The following CDK8 variants were observed in gnomAD, a reference collection of about 807,000 sequenced individuals.
The protein encoded by CDK8 is cyclin-dependent kinase 8.
CDK8 carries 29 observed loss-of-function variants against 71.5 expected under a neutral mutation model. That is an observed-to-expected ratio of 0.41 (90% CI 0.30 to 0.55). CDK8 has a LOEUF of 0.55. Among genes scored for constraint, CDK8 ranks in the 20% least tolerant of loss-of-function variants. CDK8 has a pLI of 0.37. For missense variants in CDK8, 288 were observed against 572.6 expected, an observed-to-expected ratio of 0.50 and a Z score of 5.07; for synonymous variants, 161 against 192.1, an observed-to-expected ratio of 0.84 and a Z score of 1.34.
intron 1 of CDK8, among the ~76,000 whole-genome samples, chr13:26,269,454 T>A (rs1872190240): frequency 6.6e-6 from 1 of 152,186 alleles, no homozygotes; most frequent in African/African-American, 2.4e-5. Flanking sequence ...TTTAAGTTTG[T>A]GGCATAAGCT....
chr13:26,388,061 T>C (rs545218394), intron 6 of CDK8, among the ~76,000 whole-genome samples: 103 of 152,350 alleles, frequency 6.8e-4, no homozygotes, highest in South Asian at 1.7e-3. Flanking sequence ...GTTACACTTG[T>C]ATGACTTTGC....
rs1479462867 is a variant in CDK8 at position 26,381,831 on chromosome 13, T to C, written c.457-983T>C. Reference sequence around the variant, plus strand: ...ACTACACATTAAACGTTGGCAGTAATAGCTTAGGGGCCATCACTACATATG... The same window carrying C: ...ACTACACATTAAACGTTGGCAGTAACAGCTTAGGGGCCATCACTACATATG... On this transcript the variant is annotated intron_variant, in intron 4 of 12. Coordinates refer to ENST00000381527, the MANE Select transcript of CDK8 (RefSeq NM_001260.3). Among the ~76,000 whole-genome samples, 125 of 152,130 alleles carry C rather than the reference T, an allele frequency of 8.2e-4. 2 individuals are homozygous for C. Among genetic ancestry groups the C allele is most frequent in the Non-Finnish European group, 4.4e-5 (3 of 67,994 alleles).
chr13:26,376,386 A>G (rs1874952238), intron 4 of CDK8, among the ~76,000 whole-genome samples: 1 of 152,140 alleles, frequency 6.6e-6, no homozygotes, highest in African/African-American at 2.4e-5. Flanking sequence ...TACTTGACTC[A>G]TTAGAATTTG....
In CDK8 at chr13:26,404,450, C is replaced by A. The variant is rs1876419767; in HGVS notation, c.*369C>A. The A allele has an allele frequency of 7.4e-6, 2 of 269,558 alleles. No homozygotes were observed. The highest frequency in any genetic ancestry group is 2.2e-4 in the South Asian group (2 of 9,156). 16.7% of individuals were successfully genotyped at this position (269,558 alleles called of 1,614,324 possible). ...TATGTGGTGAATTTTTTCAGTGTAA[C>A]AACATTATCTGACCAATAGTACACA... On this transcript the variant is annotated 3_prime_UTR_variant, in exon 13 of 13. Coordinates refer to ENST00000381527, the MANE Select transcript of CDK8 (RefSeq NM_001260.3).
chr13:26,288,801 C>T (rs1381752022), intron 1 of CDK8, among the ~76,000 whole-genome samples: 1 of 152,102 alleles, frequency 6.6e-6, no homozygotes, highest in African/African-American at 2.4e-5. Context: ...ACTCTGTCAC[C>T]CAGGCTGGAG....
intron 1 of CDK8, among the ~76,000 whole-genome samples, chr13:26,277,675 A>C (rs1198285765): frequency 1.3e-5 from 2 of 152,158 alleles, no homozygotes; most frequent in Non-Finnish European, 2.9e-5. Context: ...CTTGTTTTTA[A>C]ATCTCAGCCT....
At chr13:26,370,615 G>T (rs1311463676) in intron 4 of CDK8, among the ~76,000 whole-genome samples, 10 of 152,112 alleles carry the variant, frequency 6.6e-5, no homozygotes, top group Non-Finnish European at 2.9e-5. Flanking sequence ...AAGAGTTCTG[G>T]CTCAGAAATA....
At chr13:26,297,311 G>A (rs1425850367) in intron 1 of CDK8, among the ~76,000 whole-genome samples, 1 of 93,454 alleles carries the variant, frequency 1.1e-5, no homozygotes, top group Non-Finnish European at 2.5e-5. Context: ...GGCCTTTAAA[G>A]TAATATAACT....
rs145607051 is a variant in CDK8, at chr13:26,343,468, T to G, written c.205-5604T>G. Among the ~76,000 whole-genome samples, 6 of 152,346 alleles carry G rather than the reference T, an allele frequency of 3.9e-5. No homozygotes were observed. The East Asian group carries it at 1.2e-3, about 29-fold the overall frequency. The stretch of plus-strand genomic sequence containing the variant: ...TATGGAGTAGCCATTCTTTATTCCT[T>G]TACTCTCTTAATAAACTTGCTTTCC... On this transcript the variant is annotated intron_variant, in intron 2 of 12. Transcript: ENST00000381527.
intron 1 of CDK8, among the ~76,000 whole-genome samples, chr13:26,295,139 G>A (rs1461651406): frequency 6.6e-6 from 1 of 152,102 alleles, no homozygotes; most frequent in African/African-American, 2.4e-5. Flanking sequence ...CTTAAATATG[G>A]TGACTCTAGG....
intron 1 of CDK8, among the ~76,000 whole-genome samples, chr13:26,305,535 C>T (rs1472607381): frequency 6.6e-6 from 1 of 151,978 alleles, no homozygotes; most frequent in Non-Finnish European, 1.5e-5. Context: ...ATTGCTTATA[C>T]CCCCTTTCTC....
chr13:26,364,184 A>G (rs1447983889), intron 4 of CDK8, among the ~76,000 whole-genome samples: 2 of 152,200 alleles, frequency 1.3e-5, no homozygotes, highest in Non-Finnish European at 2.9e-5. Context: ...TGATTTTTAA[A>G]TTGCAGATTA....
rs192126196 is a variant in CDK8, at chr13:26,377,765, T to G, written c.457-5049T>G. On this transcript the variant is annotated intron_variant, in intron 4 of 12. Coordinates refer to ENST00000381527, the MANE Select transcript of CDK8 (RefSeq NM_001260.3). ...TCTTTAGAAGATTACAGTAAAACAGTTTGTAAAACTTACTGAGTATGTGTC... is the reference window on the plus strand; with the variant it reads ...TCTTTAGAAGATTACAGTAAAACAGGTTGTAAAACTTACTGAGTATGTGTC... Among the ~76,000 whole-genome samples, 1,431 of 149,554 alleles carry G rather than the reference T, an allele frequency of 9.6e-3. 16 individuals carry two copies. Among genetic ancestry groups the G allele is most frequent in the Non-Finnish European group, 0.015 (997 of 67,774 alleles).
At chr13:26,352,391 A>G (rs931351190) in intron 3 of CDK8, among the ~76,000 whole-genome samples, 8 of 151,494 alleles carry the variant, frequency 5.3e-5, no homozygotes, top group African/African-American at 1.9e-4. Flanking sequence ...AATTTTTTGT[A>G]TTTTTTAGTA....
chr13:26,267,231 G>T (rs1872060242), intron 1 of CDK8, among the ~76,000 whole-genome samples: 1 of 152,200 alleles, frequency 6.6e-6, no homozygotes, highest in African/African-American at 2.4e-5. Flanking sequence ...GTTAGCAAGG[G>T]ATGTCAGTAA....
chr13:26,292,945 GATTTT>G (rs1565960362), intron 1 of CDK8, among the ~76,000 whole-genome samples: 2 of 151,978 alleles, frequency 1.3e-5, no homozygotes, highest in South Asian at 4.2e-4. Flanking sequence ...TGCATTTGTG[GATTTT>G]ATTTTATTTA....
rs1342170601 is a variant in CDK8, at chr13:26,333,701, CTG to C, written c.129-3862_129-3861del. Among the ~76,000 whole-genome samples, 5 of 152,212 alleles carry C rather than the reference CTG, an allele frequency of 3.3e-5. No individual in the cohort carries two copies. The East Asian group carries it at 9.6e-4, about 29-fold the overall frequency. On this transcript the variant is annotated intron_variant, in intron 1 of 12. Transcript: ENST00000381527. ...GTGTATATGAAACATAAAATGAATC[CTG>C]TGTTTAAATTGGATCTCATCCCCAA... is the stretch of plus-strand genomic sequence containing the variant.
chr13:26,383,878 A>G (rs1194169020), intron 5 of CDK8, among the ~76,000 whole-genome samples: 2 of 152,360 alleles, frequency 1.3e-5, no homozygotes, highest in East Asian at 3.9e-4. Flanking sequence ...CTTGAGAAGC[A>G]GAACCTGTCG....
Position 26,393,354 on chromosome 13 carries a change from T to TTTTTTTTTTTA in CDK8, c.647-10_647-9insTTTTTTTATTT. ...TATTTTTCTTTCTTTTTTTTTTTCTTTTTGTTTTAAAGATATTTGGGCTAT... is the reference window on the plus strand; with the variant it reads ...TATTTTTCTTTCTTTTTTTTTTTCTTTTTTTTTTTTATTTGTTTTAAAGATATTTGGGCTAT... On this transcript the variant is annotated splice_polypyrimidine_tract_variant and intron_variant, in intron 6 of 12. Transcript: ENST00000381527. 6.7e-7 allele frequency: 1 copy of TTTTTTTTTTTA among 1,482,802 alleles called. No homozygotes were observed. Among genetic ancestry groups the TTTTTTTTTTTA allele is most frequent in the Non-Finnish European group, 9.1e-7 (1 of 1,104,074 alleles). 91.9% of individuals were successfully genotyped at this position (1,482,802 alleles called of 1,614,324 possible).
Sources: gnomAD v4.1 joint callset for allele counts (sites outside exome capture counted in the v4.1 genomes callset) on GRCh38, gnomAD v4.1.1 for gene constraint, MANE v1.5 for transcripts, NCBI Gene and HGNC (gene_info 2026-07-23, HGNC 2026-07-21) for gene names.